Variants in CFTR observed in about 807,000 individuals in gnomAD.
CFTR encodes CF transmembrane conductance regulator.
CFTR carries 181 observed loss-of-function variants against 171.6 expected under a neutral mutation model. The ratio of observed to expected loss-of-function variants is 1.05; its 90% CI spans 0.93 to 1.19. The LOEUF is 1.19. Among genes scored for constraint, CFTR ranks in the 50% most tolerant of loss-of-function variants. CFTR has a pLI of 0.00. For missense variants in CFTR, 1,968 were observed against 1,734.7 expected, an observed-to-expected ratio of 1.13 and a Z score of -2.39; for synonymous variants, 583 against 608.0, an observed-to-expected ratio of 0.96 and a Z score of 0.60.
chr7:117,519,145 A>AT (rs1043033763), intron 3 of CFTR, among the ~76,000 whole-genome samples: 3 of 152,070 alleles, frequency 2.0e-5, no homozygotes, highest in African/African-American at 4.8e-5. Flanking sequence ...AGAAAGGTAG[A>AT]TTTTTTTCTG....
At chr7:117,531,196 G>C (rs943659024) in intron 4 of CFTR, 82 bp downstream of exon 4, 18 of 1,069,796 alleles carry the variant, frequency 1.7e-5, no homozygotes, top group Non-Finnish European at 2.2e-5. Context: ...GTAGTGAGCT[G>C]GTACAAGTAA....
chr7:117,592,804 T>C, intron 14 of CFTR, 147 bp downstream of exon 14: 1 of 583,290 alleles, frequency 1.7e-6, no homozygotes, highest in Non-Finnish European at 2.6e-6. Flanking sequence ...TCATTAATTA[T>C]ACAAGCAACG....
At position 117,633,249 on chromosome 7, in the gene CFTR, A is replaced by G. The variant is rs867319193; in HGVS notation, c.3717+5479A>G. The stretch of plus-strand genomic sequence containing the variant: ...ATATTTTGTTATATTTTGTTCAAGT[A>G]TTTTGTTTTTGAGGAATGCCAATGT... On this transcript the variant is annotated intron_variant, in intron 22 of 26. Transcript: ENST00000003084. Among the ~76,000 whole-genome samples, 39 of 152,166 alleles carry G rather than the reference A, an allele frequency of 2.6e-4. No homozygotes were observed. In the Middle Eastern group the frequency reaches 0.01, roughly 40 times the overall value.
chr7:117,496,177 C>T (rs1260163529), intron 1 of CFTR, among the ~76,000 whole-genome samples: 1 of 151,952 alleles, frequency 6.6e-6, no homozygotes, highest in Non-Finnish European at 1.5e-5. Flanking sequence ...AAGATTCATC[C>T]CTGTTGTAGC....
At chr7:117,489,257 G>T (rs919657706) in intron 1 of CFTR, among the ~76,000 whole-genome samples, 4 of 151,998 alleles carry the variant, frequency 2.6e-5, no homozygotes, top group African/African-American at 9.7e-5. Context: ...TGACTCAGAA[G>T]AATATTTTTG....
intron 10 of CFTR, among the ~76,000 whole-genome samples, chr7:117,556,588 C>T (rs1221917787): frequency 1.8e-4 from 22 of 123,166 alleles, no homozygotes; most frequent in Admixed American, 8.9e-4. Context: ...GGCGGGATCT[C>T]GGCTCACTGC....
Position 117,627,729 on chromosome 7 carries a change from A to T in CFTR, c.3676A>T (p.Ile1226Leu). The change falls in exon 22 of 27, where the codon ATA (isoleucine) becomes TTA (leucine). Residue 1226 changes from isoleucine to leucine, a missense_variant. Coordinates refer to ENST00000003084, the MANE Select transcript of CFTR (RefSeq NM_000492.4). Reference protein sequence around the residue: ...TAKYTEGGNAILENISFSISP... With the variant: ...TAKYTEGGNALLENISFSISP... ...AAAATACACAGAAGGTGGAAATGCCATATTAGAGAACATTTCCTTCTCAAT... is the reference window on the plus strand; with the variant it reads ...AAAATACACAGAAGGTGGAAATGCCTTATTAGAGAACATTTCCTTCTCAAT... The T allele has an allele frequency of 6.2e-7, 1 of 1,613,054 alleles. No individual in the cohort carries two copies. The highest frequency in any genetic ancestry group is 8.5e-7 in the Non-Finnish European group (1 of 1,179,398).
intron 3 of CFTR, among the ~76,000 whole-genome samples, chr7:117,524,148 A>T (rs35114123): frequency 0.015 from 2,244 of 152,306 alleles, 57 homozygotes; most frequent in African/African-American, 0.051. Context: ...GAGAAATGTG[A>T]TTATGCTAAT....
intron 11 of CFTR, among the ~76,000 whole-genome samples, chr7:117,572,617 T>C (rs1711279474): frequency 1.3e-5 from 2 of 152,090 alleles, no homozygotes; most frequent in Admixed American, 6.5e-5. Flanking sequence ...TACTCTTGGC[T>C]CTCTTACGTT....
intron 24 of CFTR, among the ~76,000 whole-genome samples, chr7:117,662,858 C>T (rs1178967416): frequency 1.3e-5 from 2 of 152,038 alleles, no homozygotes; most frequent in African/African-American, 4.8e-5. Context: ...AGGTGGTCAT[C>T]AATACCCTGA....
At chr7:117,499,259 G>A (rs576033651) in intron 1 of CFTR, among the ~76,000 whole-genome samples, 20 of 152,022 alleles carry the variant, frequency 1.3e-4, no homozygotes, top group African/African-American at 4.3e-4. Context: ...AAGTCAGATC[G>A]AAAAATGAGT....
Position 117,592,074 on chromosome 7 carries a change from T to C in CFTR, c.1907T>C (p.Leu636Pro), listed in dbSNP as rs374702882. The change falls in exon 14 of 27, where the codon CTA (leucine) becomes CCA (proline). Residue 636 changes from leucine (L) to proline (P), a missense_variant. Leu to Pro is a moderately conservative substitution (Grantham distance 98). Coordinates refer to ENST00000003084, the MANE Select transcript of CFTR (RefSeq NM_000492.4). ...FYGTFSELQNLQPDFSSKLMG... is the reference protein window; with the variant it reads ...FYGTFSELQNPQPDFSSKLMG... ...GGGACATTTTCAGAACTCCAAAATC[T>C]ACAGCCAGACTTTAGCTCAAAACTC... 1.2e-6 allele frequency: 2 copies of C among 1,611,864 alleles called. No homozygotes were observed. Among genetic ancestry groups the C allele is most frequent in the Non-Finnish European group, 8.5e-7 (1 of 1,179,240 alleles).
chr7:117,635,119 C>G (rs542644497), intron 22 of CFTR, among the ~76,000 whole-genome samples: 1 of 152,050 alleles, frequency 6.6e-6, no homozygotes, highest in Admixed American at 6.6e-5. Flanking sequence ...TGCTTCATGT[C>G]TTTTGATGCT....
chr7:117,554,256 AAGT>A (rs754015640), intron 10 of CFTR, among the ~76,000 whole-genome samples: 5 of 152,114 alleles, frequency 3.3e-5, no homozygotes, highest in Non-Finnish European at 5.9e-5. Flanking sequence ...GTAGTAGTGG[AAGT>A]AGTATAGTAG....
At position 117,535,310 on chromosome 7, in the gene CFTR, A is replaced by C; in HGVS notation, c.642A>C (p.Leu214=). Residue 214 remains leucine, a synonymous_variant, in exon 6 of 27, where the codon CTA becomes CTC. Coordinates refer to ENST00000003084, the MANE Select transcript of CFTR (RefSeq NM_000492.4). ...TGCAAGTGGCACTCCTCATGGGGCT[A>C]ATCTGGGAGTTGTTACAGGCGTCTG... is the stretch of plus-strand genomic sequence containing the variant. The part of the protein sequence containing the change: ...APLQVALLMG[L]IWELLQASAF... 6.2e-7 allele frequency: 1 copy of C among 1,614,066 alleles called. No individual in the cohort carries two copies. Among genetic ancestry groups the C allele is most frequent in the Non-Finnish European group, 8.5e-7 (1 of 1,179,986 alleles).
At chr7:117,623,919 C>T (rs1792615888) in intron 21 of CFTR, among the ~76,000 whole-genome samples, 1 of 152,044 alleles carries the variant, frequency 6.6e-6, no homozygotes, top group South Asian at 2.1e-4. Flanking sequence ...AGACATAAGC[C>T]ACAGGTCCTC....
chr7:117,505,355 TA>T (rs2116636506), intron 2 of CFTR, among the ~76,000 whole-genome samples: 1 of 152,226 alleles, frequency 6.6e-6, no homozygotes, highest in East Asian at 1.9e-4. Flanking sequence ...CTAGCTTAAG[TA>T]AATAAAAGGA....
chr7:117,621,316 G>A (rs1322302256), intron 21 of CFTR, among the ~76,000 whole-genome samples: 3 of 152,186 alleles, frequency 2.0e-5, no homozygotes, highest in Non-Finnish European at 4.4e-5. Context: ...GTGAGTCATA[G>A]CAGAGGGCTC....
chr7:117,590,448 T>C lies in CFTR; in HGVS notation c.1766+9T>C, dbSNP rs778975676. 6.3e-7 allele frequency: 1 copy of C among 1,597,380 alleles called. No homozygotes were observed. Among genetic ancestry groups the C allele is most frequent in the Non-Finnish European group, 8.6e-7 (1 of 1,168,686 alleles). ...AAAGAAATATTTGAAAGGTATGTTC[T>C]TTGAATACCTTACTTATAATGCTCA... On this transcript the variant is annotated intron_variant, in intron 13 of 26. Transcript: ENST00000003084.
Sources: gnomAD v4.1 joint callset for allele counts (sites outside exome capture counted in the v4.1 genomes callset) on GRCh38, gnomAD v4.1.1 for gene constraint, MANE v1.5 for transcripts, NCBI Gene and HGNC (gene_info 2026-07-23, HGNC 2026-07-21) for gene names.